THRB: variants seen among roughly 807,000 people sequenced by gnomAD.
THRB encodes the protein thyroid hormone receptor beta.
Under a neutral mutation model 47.8 loss-of-function variants are expected in THRB, and 12 were observed. The observed-to-expected ratio is 0.25, with a 90% CI of 0.16 to 0.41. The LOEUF (loss-of-function observed/expected upper bound fraction) is 0.41, where lower values mean the gene tolerates loss of function less well. THRB is among the 10% of genes least tolerant of loss of function. THRB has a pLI of 1.00. For synonymous variants in THRB, 218 were observed against 212.2 expected (o/e 1.03, Z -0.24); for missense variants, 348 against 589.2 (o/e 0.59, Z 4.24).
At chr3:24,368,471 G>T (rs1320102876) in intron 1 of THRB, among the ~76,000 whole-genome samples, 1 of 152,162 alleles carries the variant, frequency 6.6e-6, no homozygotes, top group Non-Finnish European at 1.5e-5. Flanking sequence ...ATTAATGTTA[G>T]ATACAAAGCA....
chr3:24,218,021 C>CT (rs1368799906), intron 4 of THRB, among the ~76,000 whole-genome samples: 1 of 152,134 alleles, frequency 6.6e-6, no homozygotes, highest in Non-Finnish European at 1.5e-5. Flanking sequence ...AGTCCCAGCA[C>CT]TTTGGGAGGC....
At chr3:24,452,675 T>C (rs1343448503) in intron 1 of THRB, among the ~76,000 whole-genome samples, 1 of 152,032 alleles carries the variant, frequency 6.6e-6, no homozygotes, top group Non-Finnish European at 1.5e-5. Context: ...GGGCTGTCCA[T>C]GACCCCTCCT....
At chr3:24,326,024 C>T (rs1010913954) in intron 2 of THRB, among the ~76,000 whole-genome samples, 1 of 152,118 alleles carries the variant, frequency 6.6e-6, no homozygotes, top group East Asian at 1.9e-4. Flanking sequence ...AGGCTTGATA[C>T]AAATTCTAAT....
chr3:24,182,265 G>A (rs1300614100), intron 5 of THRB, among the ~76,000 whole-genome samples: 1 of 152,076 alleles, frequency 6.6e-6, no homozygotes, highest in Non-Finnish European at 1.5e-5. Flanking sequence ...GGCAATGATA[G>A]AATTATAAGC....
intron 3 of THRB, among the ~76,000 whole-genome samples, chr3:24,295,916 G>A (rs1447184725): frequency 6.6e-6 from 1 of 152,206 alleles, no homozygotes; most frequent in African/African-American, 2.4e-5. Flanking sequence ...TTAGCCCTGT[G>A]TGGCTACCAA....
chr3:24,363,495 G>T (rs1430389618), intron 1 of THRB, among the ~76,000 whole-genome samples: 4 of 152,056 alleles, frequency 2.6e-5, no homozygotes, highest in Non-Finnish European at 5.9e-5. Flanking sequence ...GCTTTCAGTG[G>T]GTCAAAGTGC....
intron 10 of THRB, among the ~76,000 whole-genome samples, chr3:24,125,482 T>G (rs1160687667): frequency 1.3e-5 from 2 of 152,212 alleles, no homozygotes; most frequent in Non-Finnish European, 2.9e-5. Context: ...CATGAGTCCC[T>G]CCAGAAATAT....
At chr3:24,231,235 G>A (rs1336543003) in intron 3 of THRB, among the ~76,000 whole-genome samples, 1 of 152,144 alleles carries the variant, frequency 6.6e-6, no homozygotes, top group Admixed American at 6.5e-5. Flanking sequence ...AGTTTTGTAT[G>A]CTTTTTATTG....
At chr3:24,202,213 T>C (rs919354790) in intron 4 of THRB, among the ~76,000 whole-genome samples, 4 of 152,214 alleles carry the variant, frequency 2.6e-5, no homozygotes, top group African/African-American at 4.8e-5. Context: ...TTGCTCAAAG[T>C]GACTGAGATG....
intron 4 of THRB, among the ~76,000 whole-genome samples, chr3:24,216,936 A>G (rs2046626479): frequency 6.6e-6 from 1 of 151,988 alleles, no homozygotes; most frequent in African/African-American, 2.4e-5. Flanking sequence ...ATGATTTTAT[A>G]ATAATACTGA....
chr3:24,453,814 A>G (rs1018918909), intron 1 of THRB, among the ~76,000 whole-genome samples: 1 of 151,930 alleles, frequency 6.6e-6, no homozygotes, highest in Non-Finnish European at 1.5e-5. Context: ...CTTCCTGCTC[A>G]TCTTTAAACC....
intron 1 of THRB, among the ~76,000 whole-genome samples, chr3:24,439,876 A>G (rs995197274): frequency 2.0e-5 from 3 of 152,230 alleles, no homozygotes; most frequent in Admixed American, 6.5e-5. Flanking sequence ...TCCCTACCCA[A>G]TGAAGAAATT....
chr3:24,315,536 C>T (rs1210404997), intron 2 of THRB, among the ~76,000 whole-genome samples: 1 of 152,192 alleles, frequency 6.6e-6, no homozygotes, highest in Non-Finnish European at 1.5e-5. Context: ...CCAGGCTGCT[C>T]TCTCTGGCTC....
chr3:24,175,057 G>A (rs1200556354), intron 5 of THRB, among the ~76,000 whole-genome samples: 1 of 152,182 alleles, frequency 6.6e-6, no homozygotes, highest in Non-Finnish European at 1.5e-5. Context: ...CCTCTTTGAT[G>A]AGTCCAGAAA....
At chr3:24,241,480 C>A (rs1428196421) in intron 3 of THRB, among the ~76,000 whole-genome samples, 1 of 152,188 alleles carries the variant, frequency 6.6e-6, no homozygotes, top group Non-Finnish European at 1.5e-5. Flanking sequence ...TGTATTATGT[C>A]CTGCTCAACT....
chr3:24,193,937 CT>C (rs1425697877), intron 4 of THRB, among the ~76,000 whole-genome samples: 1 of 152,182 alleles, frequency 6.6e-6, no homozygotes, highest in Non-Finnish European at 1.5e-5. Flanking sequence ...TGGAATACTA[CT>C]CAGACATAAA....
chr3:24,176,896 A>ACAAT (rs946687214), intron 5 of THRB, among the ~76,000 whole-genome samples: 1 of 152,128 alleles, frequency 6.6e-6, no homozygotes, highest in South Asian at 2.1e-4. Flanking sequence ...AAATATACTA[A>ACAAT]CAATCATTGA....
At chr3:24,257,659 A>C (rs995109907) in intron 3 of THRB, among the ~76,000 whole-genome samples, 1 of 152,238 alleles carries the variant, frequency 6.6e-6, no homozygotes, top group Non-Finnish European at 1.5e-5. Context: ...GCAGCCACAG[A>C]CAATGTTAAG....
At chr3:24,367,101 G>A (rs1364980374) in intron 1 of THRB, among the ~76,000 whole-genome samples, 1 of 152,126 alleles carries the variant, frequency 6.6e-6, no homozygotes, top group African/African-American at 2.4e-5. Flanking sequence ...TGGATGGCAG[G>A]GACTGATCTG....
Sources: gnomAD v4.1 joint callset for allele counts (sites outside exome capture counted in the v4.1 genomes callset) on GRCh38, gnomAD v4.1.1 for gene constraint, MANE v1.5 for transcripts, NCBI Gene and HGNC (gene_info 2026-07-23, HGNC 2026-07-21) for gene names.